Variants in APBA1 observed in about 807,000 individuals in gnomAD.
APBA1 encodes the protein amyloid-beta A4 precursor protein-binding family A member 1.
APBA1 carries 55 observed loss-of-function variants against 86.6 expected under a neutral mutation model. That is an observed-to-expected ratio of 0.64 (90% CI 0.51 to 0.80). The LOEUF (loss-of-function observed/expected upper bound fraction) is 0.80. Among genes scored for constraint, APBA1 ranks in the 30% least tolerant of loss-of-function variants. APBA1 has a pLI of 0.00. For missense variants in APBA1, 1,090 were observed against 1,183.0 expected (o/e 0.92, Z 1.15); for synonymous variants, 511 against 493.9 (o/e 1.03, Z -0.46).
At chr9:69,536,388 T>C (rs1836510981) in intron 1 of APBA1, among the ~76,000 whole-genome samples, 2 of 151,994 alleles carry the variant, frequency 1.3e-5, no homozygotes, top group Admixed American at 1.3e-4. Flanking sequence ...GACATGATGA[T>C]GGCCAGTCTT....
chr9:69,467,938 A>G lies in APBA1; in HGVS notation c.1367T>C (p.Ile456Thr). ...ATTGGCGGCAAAAATGATTCCATCG[A>G]TCAAGTCTTCGGGGTCGCAGGGTCC... ...VPGPCDPEDL[I>T]DGIIFAANYL... The change falls in exon 5 of 13, where the codon ATC becomes ACC. Residue 456 changes from isoleucine (I) to threonine (T), a missense_variant. Ile to Thr is a moderately conservative substitution (Grantham distance 89). Coordinates refer to ENST00000265381, the MANE Select transcript of APBA1 (RefSeq NM_001163.4). 6.2e-7 allele frequency: 1 copy of G among 1,614,126 alleles called. No homozygotes were observed. The highest frequency in any genetic ancestry group is 8.5e-7 in the Non-Finnish European group (1 of 1,180,018).
At chr9:69,577,396 C>T (rs1021599738) in intron 1 of APBA1, among the ~76,000 whole-genome samples, 2 of 152,178 alleles carry the variant, frequency 1.3e-5, no homozygotes, top group African/African-American at 4.8e-5. Flanking sequence ...ACCAGCCCCA[C>T]ATTATGGGAA....
intron 11 of APBA1, among the ~76,000 whole-genome samples, chr9:69,435,993 A>T (rs982013286): frequency 1.3e-5 from 2 of 152,104 alleles, no homozygotes. Context: ...AGCTTTCTAC[A>T]TATGGCTAGC....
intron 1 of APBA1, among the ~76,000 whole-genome samples, chr9:69,534,848 C>T (rs1404335807): frequency 6.6e-6 from 1 of 152,182 alleles, no homozygotes; most frequent in Non-Finnish European, 1.5e-5. Flanking sequence ...TGACTTCCTA[C>T]TGTGAAAGAT....
At chr9:69,658,304 C>CTCTTTCTTTCTTTCTTTCTTTCTT (rs202185776) in intron 1 of APBA1, among the ~76,000 whole-genome samples, 1 of 79,944 alleles carries the variant, frequency 1.3e-5, no homozygotes, top group Non-Finnish European at 2.6e-5. Flanking sequence ...TTCTCTCTCT[C>CTCTTTCTTTCTTTCTTTCTTTCTT]TCTTTCTTTC....
At chr9:69,541,582 G>C (rs183328945) in intron 1 of APBA1, among the ~76,000 whole-genome samples, 1 of 146,240 alleles carries the variant, frequency 6.8e-6, no homozygotes, top group East Asian at 2.0e-4. Flanking sequence ...CTGTGGAGTT[G>C]TAGGTCAGTA....
At chr9:69,546,299 G>C (rs1179847795) in intron 1 of APBA1, among the ~76,000 whole-genome samples, 1 of 152,204 alleles carries the variant, frequency 6.6e-6, no homozygotes, top group Non-Finnish European at 1.5e-5. Context: ...CTGATGCGGA[G>C]GTCAGTCTAC....
At chr9:69,441,226 C>G (rs1180347000) in intron 10 of APBA1, 111 bp from the exon 11 acceptor site, 3 of 1,330,416 alleles carry the variant, frequency 2.3e-6, no homozygotes, top group Non-Finnish European at 2.0e-6. Context: ...TCCGAAGGAC[C>G]CACTGCCTGC....
chr9:69,627,609 G>A (rs1418796139), intron 1 of APBA1, among the ~76,000 whole-genome samples: 3 of 152,070 alleles, frequency 2.0e-5, no homozygotes, highest in Admixed American at 6.5e-5. Flanking sequence ...AGTGGAAATA[G>A]TGTTAATGCC....
At chr9:69,663,784 CCAT>C (rs1476327731) in intron 1 of APBA1, among the ~76,000 whole-genome samples, 2 of 152,164 alleles carry the variant, frequency 1.3e-5, no homozygotes, top group African/African-American at 2.4e-5. Flanking sequence ...GGTTTTGCCA[CCAT>C]ACCTTGACAA....
At chr9:69,661,096 G>C (rs1262890462) in intron 1 of APBA1, among the ~76,000 whole-genome samples, 1 of 152,198 alleles carries the variant, frequency 6.6e-6, no homozygotes, top group Non-Finnish European at 1.5e-5. Context: ...TTGAATTTTA[G>C]CATCCATAAA....
At position 69,503,587 on chromosome 9, in the gene APBA1, C is replaced by T. The variant is rs547194692; in HGVS notation, c.1200+12424G>A. 9.2e-5 allele frequency among the ~76,000 whole-genome samples: 14 copies of T among 152,206 alleles called. No homozygotes were observed. The South Asian group carries it at 2.9e-3, about 32-fold the overall frequency. On this transcript the variant is annotated intron_variant, in intron 2 of 12. Coordinates refer to ENST00000265381, the MANE Select transcript of APBA1 (RefSeq NM_001163.4). Reference sequence around the variant, plus strand: ...TGAGCTACAACGCATATTATTATTGCATTTCTTGCCAATATAACAACTGCT... The same window carrying T: ...TGAGCTACAACGCATATTATTATTGTATTTCTTGCCAATATAACAACTGCT...
intron 2 of APBA1, among the ~76,000 whole-genome samples, chr9:69,502,261 G>A (rs1835890501): frequency 6.6e-6 from 1 of 152,042 alleles, no homozygotes. Flanking sequence ...AGATGGTGAT[G>A]GTCTGATGTC....
intron 1 of APBA1, among the ~76,000 whole-genome samples, chr9:69,537,329 T>A (rs1158179017): frequency 6.6e-6 from 1 of 152,052 alleles, no homozygotes. Flanking sequence ...CAAACTGTCT[T>A]ACGAATACTT....
intron 5 of APBA1, chr9:69,464,838 G>A (rs551171535): frequency 6.6e-6 from 1 of 152,266 alleles, no homozygotes; most frequent in South Asian, 2.1e-4. Flanking sequence ...GCCATAAGGG[G>A]ACTGGAAAGG....
At chr9:69,501,650 AC>A (rs1835881762) in intron 2 of APBA1, among the ~76,000 whole-genome samples, 2 of 150,548 alleles carry the variant, frequency 1.3e-5, no homozygotes, top group Admixed American at 6.6e-5. Context: ...ACACACACAC[AC>A]ACACACACAC....
intron 1 of APBA1, among the ~76,000 whole-genome samples, chr9:69,604,371 C>T (rs1822419929): frequency 7.0e-6 from 1 of 142,316 alleles, no homozygotes; most frequent in Non-Finnish European, 1.5e-5. Flanking sequence ...TGAGTGTGGG[C>T]ACACATGCAC....
chr9:69,467,998 C>A, intron 4 of APBA1, 30 bp from the exon 5 acceptor site: 1 of 1,608,112 alleles, frequency 6.2e-7, no homozygotes, highest in Non-Finnish European at 8.5e-7. Context: ...AGTGAGGAAG[C>A]CATCCTGGGG....
At chr9:69,482,196 T>C (rs978606276) in intron 2 of APBA1, among the ~76,000 whole-genome samples, 121 of 151,844 alleles carry the variant, frequency 8.0e-4, no homozygotes, top group Middle Eastern at 6.8e-3. Flanking sequence ...CCTACAAAAA[T>C]GGGAGAAAAT....
Sources: gnomAD v4.1 joint callset for allele counts (sites outside exome capture counted in the v4.1 genomes callset) on GRCh38, gnomAD v4.1.1 for gene constraint, MANE v1.5 for transcripts, NCBI Gene and HGNC (gene_info 2026-07-23, HGNC 2026-07-21) for gene names.